The following TIAM1 variants were observed in gnomAD, a reference collection of about 807,000 sequenced individuals.
TIAM1 encodes the protein rho guanine nucleotide exchange factor TIAM1.
In TIAM1, 65 loss-of-function variants were observed where a neutral mutation model predicts 163.5. The ratio of observed to expected loss-of-function variants is 0.40; its 90% CI spans 0.33 to 0.49. The LOEUF is 0.49. TIAM1 is among the 20% of genes least tolerant of loss of function. TIAM1 has a pLI of 0.77. For missense variants in TIAM1, 1,789 were observed against 2,044.7 expected (o/e 0.87, Z 2.41); for synonymous variants, 833 against 810.1 (o/e 1.03, Z -0.48).
chr21:31,155,728 T>A (rs1285212281), intron 16 of TIAM1, among the ~76,000 whole-genome samples: 2 of 152,050 alleles, frequency 1.3e-5, no homozygotes, highest in Admixed American at 1.3e-4. Flanking sequence ...ATGGTCTCAA[T>A]CTGACCTTGT....
chr21:31,423,924 T>A (rs937703726), intron 2 of TIAM1, among the ~76,000 whole-genome samples: 2 of 150,764 alleles, frequency 1.3e-5, no homozygotes, highest in African/African-American at 4.9e-5. Context: ...GATGAGAGTG[T>A]TCTGAAGTTG....
intron 13 of TIAM1, among the ~76,000 whole-genome samples, chr21:31,192,194 C>T (rs1173426300): frequency 6.6e-6 from 1 of 152,188 alleles, no homozygotes; most frequent in Non-Finnish European, 1.5e-5. Flanking sequence ...ACTGGATTCT[C>T]TTCATTAGGC....
At position 31,382,232 on chromosome 21, in the gene TIAM1, T is replaced by C. The variant is rs116669646; in HGVS notation, c.-368-42810A>G. Among the ~76,000 whole-genome samples the C allele has an allele frequency of 9.0e-3, 1,376 of 152,324 alleles. 20 individuals carry two copies. Among genetic ancestry groups the C allele is most frequent in the African/African-American group, 0.031 (1,304 of 41,546 alleles). On this transcript the variant is annotated intron_variant, in intron 2 of 28. Transcript: ENST00000286827. ...ACCAGAGACCTCTGGGGCTAGATGT[T>C]TGAACGCTTATCAGCGCACTGTATA...
chr21:31,139,046 T>G (rs920543838), intron 22 of TIAM1, among the ~76,000 whole-genome samples: 1 of 152,212 alleles, frequency 6.6e-6, no homozygotes, highest in Non-Finnish European at 1.5e-5. Context: ...TGTATAGCAC[T>G]ATATCACTTT....
At chr21:31,528,107 A>G (rs188215922) in intron 1 of TIAM1, among the ~76,000 whole-genome samples, 1 of 152,322 alleles carries the variant, frequency 6.6e-6, no homozygotes, top group East Asian at 1.9e-4. Flanking sequence ...ACAGAGAGAA[A>G]GAGATAACTA....
Position 31,141,354 on chromosome 21 carries a change from G to C in TIAM1, c.3626C>G (p.Ala1209Gly), listed in dbSNP as rs764039790. Residue 1209 changes from alanine (A) to glycine (G), a missense_variant, in exon 21 of 28, where the codon GCG becomes GGG. Coordinates refer to ENST00000541036, the MANE Select transcript of TIAM1 (RefSeq NM_001353694.2). This position sits in a 1 kb window ranked among gnomAD's most constrained non-coding sequence, Gnocchi z 4.7. ...CAGGTGGTAGTGCTCCTCGCTCTCCGCATCGGTCAGGGCGAACAGCTCCCT... is the reference window on the plus strand; with the variant it reads ...CAGGTGGTAGTGCTCCTCGCTCTCCCCATCGGTCAGGGCGAACAGCTCCCT... ...LLRELFALTD[A>G]ESEEHYHLDV... 5.0e-6 allele frequency: 8 copies of C among 1,614,074 alleles called. No individual in the cohort carries two copies. In the South Asian group the frequency reaches 5.5e-5, roughly 11 times the overall value.
chr21:31,339,195 A>G (rs1399098479), intron 2 of TIAM1, 48 bp downstream of exon 2: 1 of 396,872 alleles, frequency 2.5e-6, no homozygotes, highest in Non-Finnish European at 4.4e-6. Context: ...TAAAGACTTT[A>G]AAAGCTTCAA....
intron 20 of TIAM1, among the ~76,000 whole-genome samples, chr21:31,144,086 C>T (rs1221201176): frequency 6.6e-6 from 1 of 152,178 alleles, no homozygotes; most frequent in Non-Finnish European, 1.5e-5. Context: ...CATAAGACCA[C>T]AATCTTGTTA....
intron 2 of TIAM1, among the ~76,000 whole-genome samples, chr21:31,366,571 A>G (rs963180068): frequency 2.6e-5 from 4 of 152,108 alleles, no homozygotes; most frequent in African/African-American, 9.7e-5. Flanking sequence ...TTTCTTTGCA[A>G]TACTTAAGTT....
chr21:31,396,571 AAATT>A (rs1441516194), intron 2 of TIAM1, among the ~76,000 whole-genome samples: 2 of 148,400 alleles, frequency 1.3e-5, no homozygotes, highest in Admixed American at 1.4e-4. Flanking sequence ...AAAATGTTTA[AAATT>A]AATATAATAA....
At chr21:31,369,225 CAA>C (rs67890846) in intron 2 of TIAM1, among the ~76,000 whole-genome samples, 1 of 121,110 alleles carries the variant, frequency 8.3e-6, no homozygotes, top group African/African-American at 3.4e-5. Context: ...GAATCCATCT[CAA>C]AAAAAAAGAA....
intron 2 of TIAM1, among the ~76,000 whole-genome samples, chr21:31,393,613 C>G (rs898921463): frequency 3.3e-5 from 5 of 152,138 alleles, no homozygotes; most frequent in Non-Finnish European, 4.4e-5. Flanking sequence ...TAAAGTATAT[C>G]TGAATTTTTT....
intron 2 of TIAM1, among the ~76,000 whole-genome samples, chr21:31,387,329 TCTC>T (rs2076892271): frequency 6.7e-6 from 1 of 149,260 alleles, no homozygotes; most frequent in South Asian, 2.1e-4. Context: ...TTCAACCAAT[TCTC>T]CTGACTCAGC....
intron 2 of TIAM1, among the ~76,000 whole-genome samples, chr21:31,321,290 C>G (rs972521323): frequency 6.6e-6 from 1 of 152,104 alleles, no homozygotes; most frequent in Non-Finnish European, 1.5e-5. Flanking sequence ...AATCTGAGGC[C>G]GGTCCACACT....
intron 20 of TIAM1, among the ~76,000 whole-genome samples, chr21:31,143,041 C>T (rs1051684898): frequency 3.9e-5 from 6 of 152,138 alleles, no homozygotes; most frequent in Admixed American, 3.9e-4. Flanking sequence ...CACACGCTGC[C>T]TCTGGGCTGG....
chr21:31,121,492 T>C (rs942341004), intron 27 of TIAM1, among the ~76,000 whole-genome samples: 1 of 152,080 alleles, frequency 6.6e-6, no homozygotes, highest in Non-Finnish European at 1.5e-5. Context: ...TGAAAAAGAG[T>C]GGCTCTCAAA....
At chr21:31,420,614 C>T (rs2833404) in intron 2 of TIAM1, among the ~76,000 whole-genome samples, 19,243 of 152,176 alleles carry the variant, frequency 0.13, 1,854 homozygotes, top group African/African-American at 0.26. Context: ...GTCTACATCA[C>T]TGTTAGTGTT....
chr21:31,387,918 G>C (rs576950205), intron 2 of TIAM1, among the ~76,000 whole-genome samples: 15 of 152,160 alleles, frequency 9.9e-5, no homozygotes, highest in African/African-American at 3.1e-4. Context: ...CTGCAAGCAC[G>C]CAGGCTGCCC....
intron 2 of TIAM1, among the ~76,000 whole-genome samples, chr21:31,330,629 G>A (rs1489004568): frequency 6.6e-6 from 1 of 152,052 alleles, no homozygotes; most frequent in Non-Finnish European, 1.5e-5. Flanking sequence ...GTGGAGTTGG[G>A]GTTTCACCAT....
Sources: allele counts gnomAD v4.1 joint callset (sites outside exome capture counted in the v4.1 genomes callset), GRCh38; gene constraint gnomAD v4.1.1; non-coding constraint Gnocchi (gnomAD v3.1); transcripts MANE v1.5; gene names NCBI Gene and HGNC (gene_info 2026-07-23, HGNC 2026-07-21).